Variants in PLPP4 observed in about 807,000 individuals in gnomAD.
PLPP4 encodes phospholipid phosphatase 4.
PLPP4 carries 20 observed loss-of-function variants against 32.2 expected under a neutral mutation model. The ratio of observed to expected loss-of-function variants is 0.62; its 90% CI spans 0.44 to 0.90. The LOEUF (loss-of-function observed/expected upper bound fraction) is 0.90. Among genes scored for constraint, PLPP4 ranks in the 40% least tolerant of loss-of-function variants. The pLI, the probability that PLPP4 is intolerant of heterozygous loss-of-function variation, is 0.00. For synonymous variants in PLPP4, 127 were observed against 133.0 expected, an observed-to-expected ratio of 0.95 and a Z score of 0.31; for missense variants, 257 against 353.1, an observed-to-expected ratio of 0.73 and a Z score of 2.18.
At chr10:120,500,882 C>T (rs566596239) in intron 1 of PLPP4, among the ~76,000 whole-genome samples, 3 of 152,232 alleles carry the variant, frequency 2.0e-5, no homozygotes, top group African/African-American at 7.2e-5. Flanking sequence ...GTTCTCTCCC[C>T]CACACTTTTC....
chr10:120,461,887 C>G (rs957150320), intron 1 of PLPP4, among the ~76,000 whole-genome samples: 4 of 152,218 alleles, frequency 2.6e-5, no homozygotes, highest in African/African-American at 9.7e-5. Flanking sequence ...GTAATTCCAG[C>G]AAGACAGAGG....
intron 5 of PLPP4, among the ~76,000 whole-genome samples, chr10:120,540,578 A>C (rs1045400923): frequency 1.8e-4 from 27 of 152,176 alleles, no homozygotes; most frequent in African/African-American, 5.1e-4. Context: ...GGTGCAACCC[A>C]AGGTACAGGG....
rs1849936251 is a variant in PLPP4, at chr10:120,589,769, T to A, written c.*267T>A. ...GGGTTTGGGGAGCTTGGCCGATTCG[T>A]CTATCTGAAATGTTTGCTGTAACAG... is the stretch of plus-strand genomic sequence containing the variant. On this transcript the variant is annotated 3_prime_UTR_variant, in exon 7 of 7. Transcript: ENST00000398250. The A allele has an allele frequency of 2.4e-6, 1 of 421,670 alleles. No homozygotes were observed. The highest frequency in any genetic ancestry group is 4.2e-6 in the Non-Finnish European group (1 of 236,518). 26.1% of individuals were successfully genotyped at this position (421,670 alleles called of 1,614,324 possible). A position where few individuals can be genotyped will look rare whatever the true frequency, so the allele number is the denominator to read the frequency against.
intron 1 of PLPP4, among the ~76,000 whole-genome samples, chr10:120,485,635 T>G (rs1340579091): frequency 6.6e-6 from 1 of 152,250 alleles, no homozygotes; most frequent in Admixed American, 6.5e-5. Flanking sequence ...TACTGTGAAT[T>G]TCTTGCCATA....
intron 2 of PLPP4, among the ~76,000 whole-genome samples, chr10:120,505,078 G>C (rs1013588649): frequency 1.3e-5 from 2 of 152,236 alleles, no homozygotes; most frequent in Admixed American, 6.5e-5. Flanking sequence ...TTAAGAAATG[G>C]TGGTCTAATT....
chr10:120,515,773 C>G, intron 3 of PLPP4, among the ~76,000 whole-genome samples: 1 of 152,210 alleles, frequency 6.6e-6, no homozygotes, highest in East Asian at 1.9e-4. Context: ...TTGGGAGCCC[C>G]CTCAGTTCAT....
At chr10:120,518,305 C>T (rs1257666246) in intron 3 of PLPP4, among the ~76,000 whole-genome samples, 2 of 152,218 alleles carry the variant, frequency 1.3e-5, no homozygotes, top group East Asian at 3.9e-4. Context: ...GACTCTGCAC[C>T]TTGGCAGAAA....
At chr10:120,579,042 T>C (rs927237797) in intron 6 of PLPP4, among the ~76,000 whole-genome samples, 2 of 152,228 alleles carry the variant, frequency 1.3e-5, no homozygotes, top group African/African-American at 2.4e-5. Context: ...CACGCTCTTA[T>C]GTGATTACGA....
At chr10:120,513,865 T>C (rs1845828635) in intron 2 of PLPP4, 46 bp from the exon 3 acceptor site, 2 of 1,440,820 alleles carry the variant, frequency 1.4e-6, no homozygotes, top group East Asian at 2.3e-5. Context: ...GCCCTTCTGA[T>C]AGCAAACTGA....
intron 1 of PLPP4, among the ~76,000 whole-genome samples, chr10:120,501,777 T>G (rs1845265516): frequency 6.6e-6 from 1 of 152,230 alleles, no homozygotes; most frequent in African/African-American, 2.4e-5. Flanking sequence ...AAAATCCACA[T>G]TACCAGACAA....
intron 2 of PLPP4, among the ~76,000 whole-genome samples, chr10:120,513,391 A>G (rs891110413): frequency 1.3e-5 from 2 of 152,186 alleles, no homozygotes; most frequent in Non-Finnish European, 2.9e-5. Flanking sequence ...ATCTATGTGG[A>G]GGAAAGGGTA....
intron 2 of PLPP4, among the ~76,000 whole-genome samples, chr10:120,504,496 C>T (rs764432117): frequency 4.6e-5 from 7 of 152,230 alleles, no homozygotes; most frequent in African/African-American, 7.2e-5. Context: ...AGATTTGCCT[C>T]GGCCTGTCTA....
intron 5 of PLPP4, among the ~76,000 whole-genome samples, chr10:120,549,737 A>G (rs1009835799): frequency 1.1e-4 from 16 of 148,572 alleles, no homozygotes; most frequent in African/African-American, 3.9e-4. Flanking sequence ...TAACAAAATA[A>G]AGAAGAAAAA....
At chr10:120,581,304 A>G in intron 6 of PLPP4, 4 of 985,256 alleles carry the variant, frequency 4.1e-6, no homozygotes, top group Non-Finnish European at 4.8e-6. Flanking sequence ...CAGCATATTT[A>G]TAGACTCCAA....
chr10:120,477,808 G>A (rs1269226370), intron 1 of PLPP4, among the ~76,000 whole-genome samples: 1 of 152,298 alleles, frequency 6.6e-6, no homozygotes. Context: ...TGAATTGACT[G>A]CAGTGAGGGG....
chr10:120,528,777 T>A (rs1456702028), intron 5 of PLPP4, among the ~76,000 whole-genome samples: 1 of 151,940 alleles, frequency 6.6e-6, no homozygotes, highest in East Asian at 1.9e-4. Flanking sequence ...TCTCAACTTG[T>A]TGTTTTTTTG....
At chr10:120,489,414 G>A (rs1407144385) in intron 1 of PLPP4, among the ~76,000 whole-genome samples, 2 of 152,188 alleles carry the variant, frequency 1.3e-5, no homozygotes, top group African/African-American at 2.4e-5. Context: ...AAGGGGCCCT[G>A]GTGACCGTTA....
At chr10:120,497,120 T>C (rs1279707332) in intron 1 of PLPP4, among the ~76,000 whole-genome samples, 1 of 152,018 alleles carries the variant, frequency 6.6e-6, no homozygotes, top group Non-Finnish European at 1.5e-5. Flanking sequence ...TTGCATCTGC[T>C]GCTTGTAGGT....
intron 5 of PLPP4, among the ~76,000 whole-genome samples, chr10:120,541,923 AC>A (rs950562533): frequency 2.0e-5 from 3 of 152,004 alleles, no homozygotes; most frequent in African/African-American, 7.3e-5. Context: ...ATTACAGGCG[AC>A]CGCCACCATG....
Sources: gnomAD v4.1 joint callset for allele counts (sites outside exome capture counted in the v4.1 genomes callset) on GRCh38, gnomAD v4.1.1 for gene constraint, MANE v1.5 for transcripts, NCBI Gene and HGNC (gene_info 2026-07-23, HGNC 2026-07-21) for gene names.